CEP15: variants seen among roughly 807,000 people sequenced by gnomAD.
CEP15 encodes centrosomal protein 15 kDa.
the CEP15 span, among the ~76,000 whole-genome samples, chr3:62,330,669 A>C: frequency 6.6e-6 from 1 of 152,194 alleles, no homozygotes; most frequent in Non-Finnish European, 1.5e-5. Flanking sequence ...TGAATGACAT[A>C]CTAGCTAGCA....
the CEP15 span, chr3:62,333,383 G>C: frequency 4.3e-6 from 7 of 1,609,756 alleles, no homozygotes; most frequent in African/African-American, 1.3e-5. This position sits in a 1 kb window ranked among gnomAD's most constrained non-coding sequence, Gnocchi z 4.0. Flanking sequence ...ATGAGGCACA[G>C]CGATAACTTC....
chr3:62,320,524 TG>T, the CEP15 span: 48 of 1,609,136 alleles, frequency 3.0e-5, no homozygotes, highest in Middle Eastern at 1.2e-3. Flanking sequence ...CATGAAGAAA[TG>T]TAAGTTTTTT....
the CEP15 span, among the ~76,000 whole-genome samples, chr3:62,329,038 A>G: frequency 6.6e-6 from 1 of 151,942 alleles, no homozygotes. Context: ...CCTCTTAGGT[A>G]TAGTTGGAAG....
At chr3:62,325,409 G>A in the CEP15 span, among the ~76,000 whole-genome samples, 1 of 152,098 alleles carries the variant, frequency 6.6e-6, no homozygotes, top group East Asian at 1.9e-4. Flanking sequence ...ATCAAAGAAT[G>A]TATTTTAAAA....
the CEP15 span, chr3:62,334,283 T>C: frequency 6.6e-6 from 1 of 151,832 alleles, no homozygotes; most frequent in East Asian, 1.9e-4. This position sits in a 1 kb window ranked among gnomAD's most constrained non-coding sequence, Gnocchi z 4.9. Flanking sequence ...TTTCCAGCTA[T>C]AGAGGCAGCC....
chr3:62,323,644 T>TC, the CEP15 span, among the ~76,000 whole-genome samples: 1 of 152,200 alleles, frequency 6.6e-6, no homozygotes, highest in South Asian at 2.1e-4. Flanking sequence ...CAAGATGATT[T>TC]CAAAAATGGA....
the CEP15 span, among the ~76,000 whole-genome samples, chr3:62,326,596 T>C: frequency 1.3e-5 from 2 of 152,182 alleles, no homozygotes; most frequent in Non-Finnish European, 2.9e-5. Context: ...AATTCTGCCA[T>C]AGAGTAACAT....
At chr3:62,324,780 G>A in the CEP15 span, among the ~76,000 whole-genome samples, 2 of 152,128 alleles carry the variant, frequency 1.3e-5, no homozygotes, top group African/African-American at 2.4e-5. Context: ...AAACTTGAAA[G>A]CATTTCTGTA....
At chr3:62,334,006 A>G in the CEP15 span, 5 of 152,088 alleles carry the variant, frequency 3.3e-5, no homozygotes, top group African/African-American at 1.2e-4. This position sits in a 1 kb window ranked among gnomAD's most constrained non-coding sequence, Gnocchi z 4.9. Flanking sequence ...TTGGTTTTGA[A>G]AAAGGATGCC....
At chr3:62,331,271 G>A in the CEP15 span, 21 of 1,482,190 alleles carry the variant, frequency 1.4e-5, no homozygotes, top group Non-Finnish European at 1.7e-5. Flanking sequence ...TAGTACAGGT[G>A]CCATTTGTTT....
At chr3:62,331,272 C>G in the CEP15 span, 1 of 1,487,082 alleles carries the variant, frequency 6.7e-7, no homozygotes, top group Non-Finnish European at 9.4e-7. Flanking sequence ...AGTACAGGTG[C>G]CATTTGTTTT....
At chr3:62,334,991 AACTT>A in the CEP15 span, 1 of 152,090 alleles carries the variant, frequency 6.6e-6, no homozygotes, top group South Asian at 2.1e-4. This position sits in a 1 kb window ranked among gnomAD's most constrained non-coding sequence, Gnocchi z 4.9. Flanking sequence ...AGCAATGTGA[AACTT>A]ACTTCTCTTT....
At chr3:62,323,436 A>G in the CEP15 span, among the ~76,000 whole-genome samples, 6 of 152,238 alleles carry the variant, frequency 3.9e-5, no homozygotes, top group African/African-American at 9.6e-5. Flanking sequence ...GACCTTGTTA[A>G]TGATCCTGGG....
chr3:62,334,667 G>C, the CEP15 span: 21 of 152,030 alleles, frequency 1.4e-4, no homozygotes, highest in African/African-American at 4.3e-4. The surrounding 1 kb of genome is among the most constrained non-coding windows in gnomAD (Gnocchi z 4.9). Flanking sequence ...ACTATAAAAA[G>C]TATCAGCTTA....
At chr3:62,328,737 T>C in the CEP15 span, among the ~76,000 whole-genome samples, 9 of 152,152 alleles carry the variant, frequency 5.9e-5, no homozygotes. Context: ...AATGAATATT[T>C]AATGCCTAGT....
At chr3:62,325,826 C>T in the CEP15 span, among the ~76,000 whole-genome samples, 1 of 152,030 alleles carries the variant, frequency 6.6e-6, no homozygotes, top group Non-Finnish European at 1.5e-5. Context: ...GAGATCAAGA[C>T]CATCCTGGCC....
chr3:62,329,679 C>T, the CEP15 span, among the ~76,000 whole-genome samples: 1 of 152,154 alleles, frequency 6.6e-6, no homozygotes, highest in Non-Finnish European at 1.5e-5. Flanking sequence ...TTTGTATCTG[C>T]TTTTCCATTT....
the CEP15 span, among the ~76,000 whole-genome samples, chr3:62,326,232 C>A: frequency 1.3e-5 from 2 of 152,092 alleles, no homozygotes; most frequent in African/African-American, 4.8e-5. Flanking sequence ...CCAAGATGGT[C>A]GGTGACTTAC....
the CEP15 span, among the ~76,000 whole-genome samples, chr3:62,327,305 T>G: frequency 2.0e-5 from 3 of 152,364 alleles, no homozygotes; most frequent in African/African-American, 7.2e-5. Context: ...AAGAAACAGA[T>G]GAAATTAATA....
Sources: gnomAD v4.1 joint callset for allele counts (sites outside exome capture counted in the v4.1 genomes callset) on GRCh38, gnomAD v4.1.1 for gene constraint, Gnocchi (gnomAD v3.1) non-coding constraint, MANE v1.5 for transcripts, NCBI Gene and HGNC (gene_info 2026-07-23, HGNC 2026-07-21) for gene names.